MAL2: variants seen among roughly 807,000 people sequenced by gnomAD.
MAL2 encodes protein MAL2.
In MAL2, 17 loss-of-function variants were observed where a neutral mutation model predicts 18.1. The ratio of observed to expected loss-of-function variants is 0.94; its 90% CI spans 0.64 to 1.41. The LOEUF (loss-of-function observed/expected upper bound fraction) is 1.41, where lower values mean the gene tolerates loss of function less well. Ranked by LOEUF, MAL2 falls within the 40% of genes most tolerant of loss-of-function variation. The pLI is 0.00. For missense variants in MAL2, 222 were observed against 231.9 expected, an observed-to-expected ratio of 0.96 and a Z score of 0.28; for synonymous variants, 102 against 102.3, an observed-to-expected ratio of 1.00 and a Z score of 0.02.
chr8:119,233,482 T>C (rs1817784159), intron 2 of MAL2, among the ~76,000 whole-genome samples: 1 of 151,998 alleles, frequency 6.6e-6, no homozygotes, highest in Non-Finnish European at 1.5e-5. Context: ...CAATAAAAAA[T>C]GACGAAGGGG....
At chr8:119,240,052 A>C in intron 2 of MAL2, 113 bp from the exon 3 acceptor site, 1 of 1,135,454 alleles carries the variant, frequency 8.8e-7, no homozygotes, top group African/African-American at 1.6e-5. Context: ...GAATATAGTT[A>C]AGATTGTTTA....
Position 119,208,591 on chromosome 8 carries a change from T to C in MAL2, c.119T>C (p.Val40Ala). The C allele has an allele frequency of 1.5e-6, 2 of 1,378,052 alleles. No individual in the cohort carries two copies. Among genetic ancestry groups the C allele is most frequent in the Non-Finnish European group, 9.4e-7 (1 of 1,062,120 alleles). The allele number at this position is 1,378,052 out of a possible 1,614,324, so 85.4% of individuals were successfully genotyped here. ...DILRTYSGAF[V>A]CLEILFGGLV... ...CTGCGGACCTACTCGGGCGCCTTCG[T>C]CTGCCTGGAGATTGTAAGTGGGGCC... Residue 40 changes from valine to alanine, a missense_variant, in exon 1 of 4, where the codon GTC becomes GCC. Val to Ala is a moderately conservative substitution (Grantham distance 64, BLOSUM62 0). Coordinates refer to ENST00000614891, the MANE Select transcript of MAL2 (RefSeq NM_052886.3). This position sits in a 1 kb window ranked among gnomAD's most constrained non-coding sequence, Gnocchi z 4.3.
At chr8:119,209,488 G>T (rs1361772969) in intron 1 of MAL2, among the ~76,000 whole-genome samples, 2 of 152,222 alleles carry the variant, frequency 1.3e-5, no homozygotes, top group Non-Finnish European at 2.9e-5. Flanking sequence ...TAGATAATGT[G>T]CAAATATAAA....
At chr8:119,239,104 A>T (rs1817986533) in intron 2 of MAL2, among the ~76,000 whole-genome samples, 1 of 152,222 alleles carries the variant, frequency 6.6e-6, no homozygotes, top group Non-Finnish European at 1.5e-5. Context: ...CCCATCAAAA[A>T]GTGGGTGAAG....
chr8:119,218,383 C>A (rs1817395194), intron 1 of MAL2, among the ~76,000 whole-genome samples: 1 of 152,084 alleles, frequency 6.6e-6, no homozygotes, highest in Non-Finnish European at 1.5e-5. Flanking sequence ...TTAGTCTATA[C>A]TATTTTACAG....
At chr8:119,236,384 A>G (rs1455431903) in intron 2 of MAL2, among the ~76,000 whole-genome samples, 3 of 151,618 alleles carry the variant, frequency 2.0e-5, no homozygotes, top group Non-Finnish European at 4.4e-5. Context: ...AGAGAGATCA[A>G]TGAGATAGAA....
At chr8:119,229,557 C>CCA (rs1346849869) in intron 2 of MAL2, among the ~76,000 whole-genome samples, 3 of 152,148 alleles carry the variant, frequency 2.0e-5, no homozygotes, top group South Asian at 2.1e-4. Context: ...AAGTGATCCA[C>CCA]CACATCGGCC....
chr8:119,232,396 G>GTATAT, intron 2 of MAL2, among the ~76,000 whole-genome samples: 1 of 152,050 alleles, frequency 6.6e-6, no homozygotes, highest in Non-Finnish European at 1.5e-5. Flanking sequence ...ATGGTTATAA[G>GTATAT]GATGAGTAAT....
chr8:119,239,829 C>T (rs1818007823), intron 2 of MAL2, among the ~76,000 whole-genome samples: 1 of 150,610 alleles, frequency 6.6e-6, no homozygotes, highest in Non-Finnish European at 1.5e-5. Flanking sequence ...ATGAGTGCAG[C>T]ACACTAGCAT....
chr8:119,210,639 C>G (rs1043508874), intron 1 of MAL2, among the ~76,000 whole-genome samples: 1 of 152,188 alleles, frequency 6.6e-6, no homozygotes, highest in African/African-American at 2.4e-5. Flanking sequence ...TGAATTCTCT[C>G]TATCCGCTAA....
intron 1 of MAL2, among the ~76,000 whole-genome samples, chr8:119,216,271 C>CT (rs1035342174): frequency 1.3e-5 from 2 of 152,030 alleles, no homozygotes; most frequent in African/African-American, 4.8e-5. Context: ...AGAAACCCTG[C>CT]TTTAGAATGA....
At chr8:119,226,791 CCTG>C (rs1817605678) in intron 2 of MAL2, among the ~76,000 whole-genome samples, 2 of 152,320 alleles carry the variant, frequency 1.3e-5, no homozygotes, top group Non-Finnish European at 2.9e-5. Context: ...TCCACCCTGA[CCTG>C]CTAAGTCAGA....
intron 2 of MAL2, among the ~76,000 whole-genome samples, chr8:119,239,582 A>G (rs1224673092): frequency 2.0e-5 from 3 of 151,946 alleles, no homozygotes; most frequent in African/African-American, 4.9e-5. Flanking sequence ...ATGGAATACT[A>G]TGCAGCCATA....
chr8:119,224,812 A>G (rs772399060), intron 2 of MAL2, among the ~76,000 whole-genome samples: 1 of 151,990 alleles, frequency 6.6e-6, no homozygotes, highest in Non-Finnish European at 1.5e-5. Flanking sequence ...TTCAAATAAT[A>G]AGTGAGTTAC....
At chr8:119,241,270 G>A (rs935328055) in intron 3 of MAL2, among the ~76,000 whole-genome samples, 20 of 152,168 alleles carry the variant, frequency 1.3e-4, no homozygotes, top group African/African-American at 3.4e-4. Context: ...GCTCATGCCT[G>A]TAATCCCAGC....
Position 119,240,156 on chromosome 8 carries a change from C to G in MAL2, c.304-9C>G, listed in dbSNP as rs369292172. 2 of 1,610,270 alleles carry G rather than the reference C, an allele frequency of 1.2e-6. No individual in the cohort carries two copies. Among genetic ancestry groups the G allele is most frequent in the African/African-American group, 2.7e-5 (2 of 74,656 alleles). On this transcript the variant is annotated splice_polypyrimidine_tract_variant and intron_variant, in intron 2 of 3. Coordinates refer to ENST00000614891, the MANE Select transcript of MAL2 (RefSeq NM_052886.3). ...TTTAATTGCAGATGTCTTTTCTCTC[C>G]TCTTTTAGGATTTTGCCTACCATTT...
At chr8:119,234,886 CTA>C (rs1480914369) in intron 2 of MAL2, among the ~76,000 whole-genome samples, 7 of 152,082 alleles carry the variant, frequency 4.6e-5, no homozygotes, top group Admixed American at 4.6e-4. Context: ...ACTGGAAACT[CTA>C]AAACACAGAG....
chr8:119,227,873 C>T (rs921362208), intron 2 of MAL2, among the ~76,000 whole-genome samples: 1 of 152,138 alleles, frequency 6.6e-6, no homozygotes, highest in Non-Finnish European at 1.5e-5. Flanking sequence ...GACCATTTTA[C>T]ATTCCTCTTC....
chr8:119,232,070 CAAA>C (rs200938995), intron 2 of MAL2, among the ~76,000 whole-genome samples: 29 of 150,262 alleles, frequency 1.9e-4, no homozygotes, highest in African/African-American at 6.2e-4. Flanking sequence ...GTTCTCACCA[CAAA>C]AAAAAGATAA....
Sources: allele counts gnomAD v4.1 joint callset (sites outside exome capture counted in the v4.1 genomes callset), GRCh38; gene constraint gnomAD v4.1.1; non-coding constraint Gnocchi (gnomAD v3.1); transcripts MANE v1.5; gene names NCBI Gene and HGNC (gene_info 2026-07-23, HGNC 2026-07-21).